Variants in WDR64 observed in about 807,000 individuals in gnomAD.
WDR64 encodes WD repeat domain 64.
WDR64 carries 112 observed loss-of-function variants against 139.3 expected under a neutral mutation model. That is an observed-to-expected ratio of 0.80 (90% confidence interval 0.69 to 0.94). The LOEUF (loss-of-function observed/expected upper bound fraction) is 0.94, where lower values mean the gene tolerates loss of function less well. Among genes scored for constraint, WDR64 ranks in the 40% least tolerant of loss-of-function variants. WDR64 has a pLI of 0.00. For missense variants in WDR64, 1,206 were observed against 1,293.1 expected, an observed-to-expected ratio of 0.93 and a Z score of 1.03; for synonymous variants, 444 against 437.7, an observed-to-expected ratio of 1.01 and a Z score of -0.18.
rs1386538517 is a variant in WDR64, at chr1:241,787,902, T to C, written c.2759T>C (p.Leu920Pro). Reference sequence around the variant, plus strand: ...TGTGGATATTTTGGACAGCGAAGGCTCTTTGAATTATCACAGACAAGAGAT... The same window carrying C: ...TGTGGATATTTTGGACAGCGAAGGCCCTTTGAATTATCACAGACAAGAGAT... ...HYCGYFGQRR[L>P]FELSQTRDFI... Residue 920 changes from leucine to proline, a missense_variant, in exon 24 of 28, where the codon CTC (leucine) becomes CCC (proline). Transcript: ENST00000437684. 2 of 1,612,608 alleles carry C rather than the reference T, an allele frequency of 1.2e-6. No homozygotes were observed. Among genetic ancestry groups the C allele is most frequent in the East Asian group, 2.2e-5 (1 of 44,762 alleles).
intron 6 of WDR64, among the ~76,000 whole-genome samples, chr1:241,680,599 C>G (rs1040816021): frequency 5.3e-5 from 8 of 152,210 alleles, no homozygotes; most frequent in African/African-American, 1.9e-4. Flanking sequence ...CTCTTCTCTT[C>G]TTCCCTTCTT....
chr1:241,722,768 A>G, intron 9 of WDR64, among the ~76,000 whole-genome samples: 1 of 152,172 alleles, frequency 6.6e-6, no homozygotes, highest in East Asian at 1.9e-4. Context: ...CAATTAAAAA[A>G]CCATATTTAT....
In WDR64 at chr1:241,703,714, A is replaced by AGAT. The variant is rs765882513; in HGVS notation, c.975-8087_975-8085dup. 3.2e-4 allele frequency among the ~76,000 whole-genome samples: 48 copies of AGAT among 152,286 alleles called. No homozygotes were observed. In the East Asian group the frequency reaches 8.9e-3, roughly 28 times the overall value. On this transcript the variant is annotated intron_variant, in intron 8 of 27. Transcript: ENST00000437684. The surrounding 1 kb of genome is among the most constrained non-coding windows in gnomAD (Gnocchi z 5.9). ...TTAATCCATTTTCACACTGCTATAAAGATACTATCTGAGACTCAATAATTT... is the reference window on the plus strand; with the variant it reads ...TTAATCCATTTTCACACTGCTATAAAGATGATACTATCTGAGACTCAATAATTT...
intron 25 of WDR64, among the ~76,000 whole-genome samples, chr1:241,793,635 C>A (rs1659272060): frequency 6.6e-6 from 1 of 152,202 alleles, no homozygotes; most frequent in African/African-American, 2.4e-5. Flanking sequence ...CTTCTTTTCC[C>A]TGAAGACAGG....
chr1:241,771,093 TTTTCAAACTGTTCTCAG>T (rs1658409714), intron 18 of WDR64, among the ~76,000 whole-genome samples: 1 of 145,984 alleles, frequency 6.9e-6, no homozygotes, highest in Non-Finnish European at 1.5e-5. Context: ...AATGCAGTGG[TTTTCAAACTGTTCTCAG>T]TTCCAATTTT....
intron 8 of WDR64, among the ~76,000 whole-genome samples, chr1:241,690,507 A>G (rs1667178184): frequency 6.6e-6 from 1 of 152,094 alleles, no homozygotes; most frequent in Non-Finnish European, 1.5e-5. Context: ...CAGAGGGGAA[A>G]AAAACAACTT....
Position 241,738,616 on chromosome 1 carries a change from G to A in WDR64, c.1321+127G>A, listed in dbSNP as rs573524790. ...AGGGTAATTTATCAAACCATGATTC[G>A]TGACAGTAGATATTTAATTCAATTC... On this transcript the variant is annotated intron_variant, in intron 11 of 27. Transcript: ENST00000437684. 1.8e-3 allele frequency: 1,797 copies of A among 981,840 alleles called. 4 individuals are homozygous for A. Among genetic ancestry groups the A allele is most frequent in the Non-Finnish European group, 2.3e-3 (1,620 of 701,636 alleles). 60.8% of individuals were successfully genotyped at this position (981,840 alleles called of 1,614,324 possible). A position where few individuals can be genotyped will look rare whatever the true frequency, so the allele number is the denominator to read the frequency against.
Position 241,749,716 on chromosome 1 carries a change from G to T in WDR64, c.1764G>T (p.Met588Ile). The T allele has an allele frequency of 1.2e-6, 2 of 1,613,832 alleles. No individual in the cohort carries two copies. The highest frequency in any genetic ancestry group is 1.7e-6 in the Non-Finnish European group (2 of 1,179,882). ...LALERNGTIK[M>I]IQGKEDDIYL... ...TGGAGCGCAACGGGACTATCAAAAT[G>T]ATCCAGGTTTACAATCCCACTTCAT... is the stretch of plus-strand genomic sequence containing the variant. Residue 588 changes from methionine (M) to isoleucine (I), a missense_variant, in exon 14 of 28, where the codon ATG (methionine) becomes ATT (isoleucine). Transcript: ENST00000437684.
At chr1:241,724,554 T>C (rs1438392089) in intron 10 of WDR64, among the ~76,000 whole-genome samples, 1 of 152,014 alleles carries the variant, frequency 6.6e-6, no homozygotes, top group African/African-American at 2.4e-5. Context: ...TGATTAGCCA[T>C]AAAGAAAGAA....
At position 241,738,349 on chromosome 1, in the gene WDR64, T is replaced by G. The variant is rs777871423; in HGVS notation, c.1195-14T>G. On this transcript the variant is annotated splice_polypyrimidine_tract_variant and intron_variant, in intron 10 of 27. Transcript: ENST00000437684. ...AGTATAAATAGTGGTAAACTGTGTT[T>G]GTTATTCTTCCAGGTTTTCCGGGTG... The G allele has an allele frequency of 6.2e-7, 1 of 1,610,498 alleles. No homozygotes were observed. The highest frequency in any genetic ancestry group is 2.2e-5 in the East Asian group (1 of 44,800).
At chr1:241,742,877 G>T (rs566161994) in intron 12 of WDR64, among the ~76,000 whole-genome samples, 8 of 152,194 alleles carry the variant, frequency 5.3e-5, no homozygotes, top group African/African-American at 1.7e-4. Flanking sequence ...CCATCATTAC[G>T]GCCACTGAAG....
intron 26 of WDR64, among the ~76,000 whole-genome samples, chr1:241,795,901 C>T (rs555783781): frequency 1.3e-5 from 2 of 152,202 alleles, no homozygotes; most frequent in African/African-American, 4.8e-5. Context: ...GTATCAAATA[C>T]TTAAGCTAAC....
At chr1:241,717,211 C>T (rs1415386363) in intron 9 of WDR64, among the ~76,000 whole-genome samples, 1 of 152,192 alleles carries the variant, frequency 6.6e-6, no homozygotes, top group Non-Finnish European at 1.5e-5. Context: ...TTTCTTACTA[C>T]CTATGAAAAT....
intron 23 of WDR64, among the ~76,000 whole-genome samples, chr1:241,785,532 T>G (rs4428871): frequency 0.4 from 60,551 of 152,024 alleles, 12,131 homozygotes; most frequent in African/African-American, 0.45. Context: ...ATTTGGCAGG[T>G]GGACAAAAAC....
At chr1:241,784,850 A>T (rs1327458055) in intron 23 of WDR64, among the ~76,000 whole-genome samples, 1 of 142,994 alleles carries the variant, frequency 7.0e-6, no homozygotes, top group Non-Finnish European at 1.6e-5. Context: ...GCTACTTGGG[A>T]GGCTGAGGCA....
At chr1:241,687,713 T>C in intron 8 of WDR64, 118 bp downstream of exon 8, 1 of 1,039,684 alleles carries the variant, frequency 9.6e-7, no homozygotes, top group Non-Finnish European at 1.4e-6. Flanking sequence ...ACATTAACTA[T>C]TCCATTTGTT....
At chr1:241,677,349 G>A (rs781097219) in intron 4 of WDR64, 76 of 398,242 alleles carry the variant, frequency 1.9e-4, no homozygotes, top group Non-Finnish European at 2.8e-4. Context: ...AGTCAGTCCC[G>A]GGTTAGAAAA....
At chr1:241,689,170 C>T (rs1256734768) in intron 8 of WDR64, among the ~76,000 whole-genome samples, 1 of 152,124 alleles carries the variant, frequency 6.6e-6, no homozygotes. Flanking sequence ...ACAGGATTCA[C>T]CTTCCCCCAC....
rs548066933 is a variant in WDR64 at position 241,674,663 on chromosome 1, G to A, written c.399G>A (p.Val133=). The A allele has an allele frequency of 3.2e-6, 5 of 1,549,168 alleles. No homozygotes were observed. The African/African-American group carries it at 4.1e-5, about 13-fold the overall frequency. The change falls in exon 4 of 28, where the codon GTG becomes GTA. Residue 133 remains valine (V), a synonymous_variant. Transcript: ENST00000437684. ...ILISGSRRRD[V]IKSIVKIPHL... ...TGACAGGTAGTAGAAGACGAGATGT[G>A]ATTAAGAGCATTGTCAAGATACCTC...
Sources: allele counts gnomAD v4.1 joint callset (sites outside exome capture counted in the v4.1 genomes callset), GRCh38; gene constraint gnomAD v4.1.1; non-coding constraint Gnocchi (gnomAD v3.1); transcripts MANE v1.5; gene names NCBI Gene and HGNC (gene_info 2026-07-23, HGNC 2026-07-21).